The following RNF213 variants were observed in gnomAD, a reference collection of about 807,000 sequenced individuals.
RNF213 encodes the protein ring finger protein 213, also known as E3 ubiquitin-protein ligase RNF213.
RNF213 carries 341 observed loss-of-function variants against 514.4 expected under a neutral mutation model. The observed-to-expected ratio is 0.66, with a 90% CI of 0.61 to 0.73. RNF213 has a LOEUF of 0.73. RNF213 is among the 30% of genes least tolerant of loss of function. The pLI is 0.00. For synonymous variants in RNF213, 2,655 were observed against 2,658.2 expected (o/e 1.00, Z 0.04); for missense variants, 5,767 against 6,615.6 (o/e 0.87, Z 4.45).
chr17:80,323,616 C>G (rs1335219795), intron 17 of RNF213, among the ~76,000 whole-genome samples: 1 of 152,022 alleles, frequency 6.6e-6, no homozygotes, highest in Non-Finnish European at 1.5e-5. Context: ...GTGTCCACCA[C>G]CATGCCTGGC....
Position 80,350,501 on chromosome 17 carries a change from G to C in RNF213, c.10184+105G>C, listed in dbSNP as rs866194955. ...ACAGTATAGTATCATAATCAGTATA[G>C]AAATAAAAATAACAATTCTTCCCCC... On this transcript the variant is annotated intron_variant, in intron 31 of 67. Coordinates refer to ENST00000582970, the MANE Select transcript of RNF213 (RefSeq NM_001256071.3). 49 of 727,626 alleles carry C rather than the reference G, an allele frequency of 6.7e-5. No individual in the cohort carries two copies. The Middle Eastern group carries it at 2.3e-3, about 34-fold the overall frequency. The allele number at this position is 727,626 out of a possible 1,614,324, so 45.1% of individuals were successfully genotyped here.
chr17:80,303,739 T>G (rs571796973), intron 11 of RNF213, among the ~76,000 whole-genome samples: 1 of 151,606 alleles, frequency 6.6e-6, no homozygotes, highest in South Asian at 2.1e-4. Flanking sequence ...TGTGGCTAAT[T>G]TTTGTATTTT....
intron 62 of RNF213, 120 bp downstream of exon 62, chr17:80,386,550 C>A: frequency 7.1e-7 from 1 of 1,406,236 alleles, no homozygotes; most frequent in Non-Finnish European, 1.0e-6. Flanking sequence ...TTCAGCCGCC[C>A]CCACCAGTGA....
intron 63 of RNF213, 88 bp downstream of exon 63, chr17:80,386,979 G>A: frequency 1.6e-6 from 2 of 1,282,912 alleles, no homozygotes; most frequent in Non-Finnish European, 1.1e-6. Flanking sequence ...GAGGGAAGCA[G>A]CACCTCACCC....
In RNF213 at chr17:80,290,622, CTT is replaced by C. The variant is rs763931181; in HGVS notation, c.1166_1167del (p.Leu389ProfsTer7). 1 of 1,614,180 alleles carries C rather than the reference CTT, an allele frequency of 6.2e-7. No individual in the cohort carries two copies. Among genetic ancestry groups the C allele is most frequent in the South Asian group, 1.1e-5 (1 of 91,086 alleles). On this transcript the variant is annotated frameshift_variant, in exon 7 of 68. Coordinates refer to ENST00000582970, the MANE Select transcript of RNF213 (RefSeq NM_001256071.3). LOFTEE classifies it high-confidence loss of function. ...VTVFFHAIIS[L>X]HFPFNPDLHK... ...CGTGTTCTTCCACGCCATCATCTCTCTTCATTTCCCATTCAATCCTGACCTCC... is the reference window on the plus strand; with the variant it reads ...CGTGTTCTTCCACGCCATCATCTCTCCATTTCCCATTCAATCCTGACCTCC...
intron 67 of RNF213, among the ~76,000 whole-genome samples, chr17:80,392,620 C>T (rs571947437): frequency 2.6e-5 from 4 of 151,190 alleles, no homozygotes; most frequent in South Asian, 2.1e-4. Context: ...TTTTTTTTCT[C>T]GCTCTGTCGC....
intron 26 of RNF213, among the ~76,000 whole-genome samples, chr17:80,342,560 T>TTATA (rs201533911): frequency 1.4e-5 from 2 of 147,612 alleles, no homozygotes; most frequent in Admixed American, 6.8e-5. Flanking sequence ...CTCTCTATTT[T>TTATA]TATATATATA....
At chr17:80,373,259 C>G in intron 49 of RNF213, 94 bp downstream of exon 49, 1 of 1,009,128 alleles carries the variant, frequency 9.9e-7, no homozygotes, top group African/African-American at 2.0e-5. Flanking sequence ...ACCCTACCCC[C>G]CCCACACCCC....
At chr17:80,308,921 T>C (rs2045467854) in intron 13 of RNF213, 97 bp from the exon 14 acceptor site, 1 of 1,423,518 alleles carries the variant, frequency 7.0e-7, no homozygotes, top group Non-Finnish European at 9.9e-7. Flanking sequence ...GCCCTGTTGG[T>C]AGTTATTTTG....
chr17:80,371,321 T>A (rs2079509943), intron 46 of RNF213, among the ~76,000 whole-genome samples: 1 of 152,232 alleles, frequency 6.6e-6, no homozygotes, highest in African/African-American at 2.4e-5. Flanking sequence ...TCCTCGCTAT[T>A]CCGAGTATAT....
rs1162496236 is a variant in RNF213 at position 80,379,651 on chromosome 17, T to C, written c.13577T>C (p.Ile4526Thr). 6.2e-7 allele frequency: 1 copy of C among 1,614,250 alleles called. No homozygotes were observed. Among genetic ancestry groups the C allele is most frequent in the Non-Finnish European group, 8.5e-7 (1 of 1,180,042 alleles). ...CGRPMEQSIC[I>T]DCHAPIGGID... ...AGGCCGATGGAACAGAGCATCTGCATTGACTGCCATGCGCCGATTGGAGGC... is the reference window on the plus strand; with the variant it reads ...AGGCCGATGGAACAGAGCATCTGCACTGACTGCCATGCGCCGATTGGAGGC... The change falls in exon 55 of 68, where the codon ATT (isoleucine) becomes ACT (threonine). Residue 4526 changes from isoleucine (I) to threonine (T), a missense_variant. Coordinates refer to ENST00000582970, the MANE Select transcript of RNF213 (RefSeq NM_001256071.3).
Position 80,346,000 on chromosome 17 carries a change from G to A in RNF213, c.7665G>A (p.Arg2555=), listed in dbSNP as rs2078297895. ...TTAGTATGGAGGAGACGGCCGACAG[G>A]CTGGGCTCCATTCCTCTGAGGCAGC... ...YRVSMEETAD[R]LGSIPLRQLV... The change falls in exon 29 of 68, where the codon AGG becomes AGA. Residue 2555 remains arginine (R), a synonymous_variant. Coordinates refer to ENST00000582970, the MANE Select transcript of RNF213 (RefSeq NM_001256071.3). The surrounding 1 kb of genome is among the most constrained non-coding windows in gnomAD (Gnocchi z 6.0). The A allele has an allele frequency of 6.2e-7, 1 of 1,614,214 alleles. No individual in the cohort carries two copies. Among genetic ancestry groups the A allele is most frequent in the Non-Finnish European group, 8.5e-7 (1 of 1,180,046 alleles).
At chr17:80,379,755 T>C (rs752258666) in intron 55 of RNF213, 41 bp downstream of exon 55, 19 of 1,535,896 alleles carry the variant, frequency 1.2e-5, no homozygotes, top group Non-Finnish European at 1.7e-5. Context: ...ACTCAAACTT[T>C]GGGGTGTTGG....
intron 39 of RNF213, among the ~76,000 whole-genome samples, chr17:80,362,584 G>A (rs1362357467): frequency 6.6e-6 from 1 of 152,222 alleles, no homozygotes; most frequent in Non-Finnish European, 1.5e-5. Flanking sequence ...CAAAGAAATA[G>A]CCAGGCCACG....
chr17:80,307,856 T>C (rs1481021861), intron 13 of RNF213, among the ~76,000 whole-genome samples: 2 of 49,770 alleles, frequency 4.0e-5, no homozygotes, highest in Non-Finnish European at 7.0e-5. Flanking sequence ...GGCCGTCTGT[T>C]TTTTTTTTTT....
Position 80,347,054 on chromosome 17 carries a change from G to A in RNF213, c.8719G>A (p.Glu2907Lys), listed in dbSNP as rs138806831. ...TTTTGTGTCACGTGGCAGCCCCAAC[G>A]AGACAGAGCTCATAGAGAGCGCCAA... is the stretch of plus-strand genomic sequence containing the variant. The part of the protein sequence containing the change: ...GIFVSRGSPN[E>K]TELIESAKGI... The change falls in exon 29 of 68, where the codon GAG becomes AAG. Residue 2907 changes from glutamate to lysine, a missense_variant. By Grantham distance (56) the Glu-to-Lys change is moderately conservative. This residue lies in a region of RNF213 where 919 missense variants were observed against 1,121.0 expected (regional missense o/e 0.82). Coordinates refer to ENST00000582970, the MANE Select transcript of RNF213 (RefSeq NM_001256071.3). The surrounding 1 kb of genome is among the most constrained non-coding windows in gnomAD (Gnocchi z 7.2). 9 of 1,614,074 alleles carry A rather than the reference G, an allele frequency of 5.6e-6. No homozygotes were observed. The highest frequency in any genetic ancestry group is 1.6e-4 in the Middle Eastern group (1 of 6,062).
In RNF213 at chr17:80,348,091, G is replaced by T. The variant is rs1185269208; in HGVS notation, c.9756G>T (p.Glu3252Asp). 1.2e-6 allele frequency: 2 copies of T among 1,614,030 alleles called. No individual in the cohort carries two copies. Among genetic ancestry groups the T allele is most frequent in the African/African-American group, 1.3e-5 (1 of 74,944 alleles). ...LTEELHQKVS[E>D]EAKSILLNCA... ...AGGAACTTCACCAGAAGGTGTCTGA[G>T]GAGGCCAAATCGATCCTGCTGAACT... Residue 3252 changes from glutamate to aspartate, a missense_variant, in exon 29 of 68, where the codon GAG becomes GAT. This residue lies in a region of RNF213 where 919 missense variants were observed against 1,121.0 expected (regional missense o/e 0.82). Coordinates refer to ENST00000582970, the MANE Select transcript of RNF213 (RefSeq NM_001256071.3).
At chr17:80,339,166 C>T in intron 25 of RNF213, 35 bp from the exon 26 acceptor site, 1 of 1,449,886 alleles carries the variant, frequency 6.9e-7, no homozygotes, top group Non-Finnish European at 9.1e-7. Context: ...TCTCGCATGG[C>T]TCTGTGAGCC....
chr17:80,377,938 G>A lies in RNF213; in HGVS notation c.13545+142G>A. On this transcript the variant is annotated intron_variant, in intron 54 of 67. Transcript: ENST00000582970. The surrounding 1 kb of genome is among the most constrained non-coding windows in gnomAD (Gnocchi z 4.1). ...CCGAGGACTGCCCAGGGTGCTCTGA[G>A]CAGGGCAATGCCAATGGCGCTAAGG... is the stretch of plus-strand genomic sequence containing the variant. The A allele has an allele frequency of 2.2e-6, 2 of 926,358 alleles. No homozygotes were observed. The highest frequency in any genetic ancestry group is 3.6e-6 in the Non-Finnish European group (2 of 562,680). 57.4% of individuals were successfully genotyped at this position (926,358 alleles called of 1,614,324 possible).
Sources: gnomAD v4.1 joint callset for allele counts (sites outside exome capture counted in the v4.1 genomes callset) on GRCh38, gnomAD v4.1.1 for gene constraint, gnomAD v4.1.1 regional missense constraint, Gnocchi (gnomAD v3.1) non-coding constraint, MANE v1.5 for transcripts, NCBI Gene and HGNC (gene_info 2026-07-23, HGNC 2026-07-21) for gene names.